OPCML: variants seen among roughly 807,000 people sequenced by gnomAD.
OPCML encodes the protein opioid binding protein/cell adhesion molecule like.
In OPCML, 13 loss-of-function variants were observed where a neutral mutation model predicts 37.8. The ratio of observed to expected loss-of-function variants is 0.34; its 90% CI spans 0.22 to 0.55. OPCML has a LOEUF of 0.55. Ranked by LOEUF, OPCML falls within the 20% of genes least tolerant of loss-of-function variation. OPCML has a pLI of 0.91. For missense variants in OPCML, 341 were observed against 435.6 expected (o/e 0.78, Z 1.93); for synonymous variants, 176 against 168.8 (o/e 1.04, Z -0.33).
chr11:132,929,864 T>TA (rs1265874307), intron 2 of OPCML, among the ~76,000 whole-genome samples: 2 of 152,132 alleles, frequency 1.3e-5, no homozygotes, highest in East Asian at 1.9e-4. Flanking sequence ...CCTTTAATAA[T>TA]AAAAAATACT....
Position 132,888,542 on chromosome 11 carries a change from G to C in OPCML, c.146+54384C>G, listed in dbSNP as rs186599336. Among the ~76,000 whole-genome samples the C allele has an allele frequency of 3.9e-5, 6 of 152,284 alleles. No individual in the cohort carries two copies. The East Asian group carries it at 1.2e-3, about 29-fold the overall frequency. Reference sequence around the variant, plus strand: ...CCTTGCAAAGCAGGAAAAGGGAAAGGAAATGTCATTTCTCTGGAGATGTAA... The same window carrying C: ...CCTTGCAAAGCAGGAAAAGGGAAAGCAAATGTCATTTCTCTGGAGATGTAA... On this transcript the variant is annotated intron_variant, in intron 2 of 7. Coordinates refer to ENST00000524381, the MANE Select transcript of OPCML (RefSeq NM_001012393.5).
intron 1 of OPCML, among the ~76,000 whole-genome samples, chr11:133,529,902 C>A (rs1948568673): frequency 6.6e-6 from 1 of 152,198 alleles, no homozygotes; most frequent in Non-Finnish European, 1.5e-5. Flanking sequence ...CCACAGGAAC[C>A]CCTCAAGATG....
rs530420632 is a variant in OPCML, at chr11:132,939,531, C to A, written c.146+3395G>T. 2.4e-4 allele frequency among the ~76,000 whole-genome samples: 36 copies of A among 152,286 alleles called. No homozygotes were observed. The East Asian group carries it at 7.0e-3, about 29-fold the overall frequency. ...AGAAAATCCAGTATGTTGGTGGGAACTTTTCCCGTTGAGTGGAACAGTTAC... is the reference window on the plus strand; with the variant it reads ...AGAAAATCCAGTATGTTGGTGGGAAATTTTCCCGTTGAGTGGAACAGTTAC... On this transcript the variant is annotated intron_variant, in intron 2 of 7. Coordinates refer to ENST00000524381, the MANE Select transcript of OPCML (RefSeq NM_001012393.5).
In OPCML at chr11:133,314,126, T is replaced by A. The variant is rs1444810585; in HGVS notation, c.61+218138A>T. ...GGCGGGCGCCTGTAGTCCCAGCTACTTGGGAGGCTGAGGCAGGAGAATGGC... is the reference window on the plus strand; with the variant it reads ...GGCGGGCGCCTGTAGTCCCAGCTACATGGGAGGCTGAGGCAGGAGAATGGC... On this transcript the variant is annotated intron_variant, in intron 1 of 7. Transcript: ENST00000524381. 1.2e-4 allele frequency among the ~76,000 whole-genome samples: 18 copies of A among 147,944 alleles called. 1 individual carries two copies. The highest frequency in any genetic ancestry group is 2.0e-4 in the African/African-American group (8 of 39,812).
intron 1 of OPCML, among the ~76,000 whole-genome samples, chr11:133,038,459 T>C (rs1016160469): frequency 6.6e-6 from 1 of 152,216 alleles, no homozygotes; most frequent in African/African-American, 2.4e-5. Context: ...CAGGAGACCA[T>C]GGTAATTAAT....
chr11:132,586,502 G>T (rs2096472966), intron 3 of OPCML, among the ~76,000 whole-genome samples: 1 of 152,178 alleles, frequency 6.6e-6, no homozygotes, highest in South Asian at 2.1e-4. Context: ...GTGATATAGT[G>T]AATGCATCCT....
At chr11:132,512,714 A>G (rs1318513481) in intron 4 of OPCML, among the ~76,000 whole-genome samples, 1 of 151,832 alleles carries the variant, frequency 6.6e-6, no homozygotes, top group Non-Finnish European at 1.5e-5. Context: ...TTATATATAC[A>G]TATAGAATGC....
At chr11:133,284,366 T>C (rs2136517100) in intron 1 of OPCML, among the ~76,000 whole-genome samples, 1 of 152,214 alleles carries the variant, frequency 6.6e-6, no homozygotes, top group East Asian at 1.9e-4. Flanking sequence ...CAGCGGACAC[T>C]GAAAATGTCA....
chr11:133,253,928 TCTTC>T (rs1330742261), intron 1 of OPCML, among the ~76,000 whole-genome samples: 2 of 148,438 alleles, frequency 1.3e-5, no homozygotes, highest in Non-Finnish European at 3.0e-5. Context: ...TTCCTTCCTT[TCTTC>T]CTTCCTTCTT....
At chr11:133,058,894 G>T (rs1377637810) in intron 1 of OPCML, among the ~76,000 whole-genome samples, 1 of 152,246 alleles carries the variant, frequency 6.6e-6, no homozygotes, top group Non-Finnish European at 1.5e-5. Context: ...GTGTGAAGAT[G>T]CCCACAGGGA....
chr11:133,175,652 A>C (rs1592074673), intron 1 of OPCML, among the ~76,000 whole-genome samples: 1 of 140,168 alleles, frequency 7.1e-6, no homozygotes, highest in African/African-American at 2.7e-5. Context: ...TCTGTAATTC[A>C]CTGACTTTTT....
chr11:133,026,782 G>A lies in OPCML; in HGVS notation c.62-83772C>T, dbSNP rs866930091. Among the ~76,000 whole-genome samples, 109 of 152,056 alleles carry A rather than the reference G, an allele frequency of 7.2e-4. 1 individual carries two copies. The highest frequency in any genetic ancestry group is 2.6e-3 in the African/African-American group (106 of 41,390). ...AGTATGACAACTGTATATGATGCTT[G>A]CATATGTTGGATTTGTGCTTCATAT... On this transcript the variant is annotated intron_variant, in intron 1 of 7. Coordinates refer to ENST00000524381, the MANE Select transcript of OPCML (RefSeq NM_001012393.5).
chr11:133,015,174 A>C (rs953984757), intron 1 of OPCML, among the ~76,000 whole-genome samples: 4 of 152,176 alleles, frequency 2.6e-5, no homozygotes, highest in Non-Finnish European at 5.9e-5. Context: ...GTTGGAAAAT[A>C]GATTGATTGA....
chr11:132,788,168 C>T (rs1394097759), intron 2 of OPCML, among the ~76,000 whole-genome samples: 2 of 152,140 alleles, frequency 1.3e-5, no homozygotes, highest in African/African-American at 2.4e-5. Context: ...CGTGAGCTAC[C>T]GTGCCTGGCC....
Position 132,983,464 on chromosome 11 carries a change from C to T in OPCML, c.62-40454G>A, listed in dbSNP as rs1025632904. ...CAAGAAGAAAGGCGCAGCCCTGACT[C>T]GCTGCTGGGACTGGTGAGTGACCAC... On this transcript the variant is annotated intron_variant, in intron 1 of 7. Transcript: ENST00000524381. Among the ~76,000 whole-genome samples the T allele has an allele frequency of 4.6e-5, 7 of 152,194 alleles. No individual in the cohort carries two copies. The South Asian group carries it at 8.3e-4, about 18-fold the overall frequency.
chr11:132,887,833 T>C, intron 2 of OPCML, among the ~76,000 whole-genome samples: 1 of 152,246 alleles, frequency 6.6e-6, no homozygotes. Flanking sequence ...TACGCTTAGC[T>C]TTCTATCTTA....
intron 2 of OPCML, among the ~76,000 whole-genome samples, chr11:132,687,196 C>T (rs1421263778): frequency 1.3e-5 from 2 of 151,496 alleles, no homozygotes; most frequent in Non-Finnish European, 2.9e-5. Context: ...TTTTTCCACT[C>T]ACCAGGGGAC....
At position 133,056,320 on chromosome 11, in the gene OPCML, T is replaced by C. The variant is rs187084644; in HGVS notation, c.62-113310A>G. Among the ~76,000 whole-genome samples the C allele has an allele frequency of 9.2e-5, 14 of 152,312 alleles. 1 individual carries two copies. In the East Asian group the frequency reaches 2.5e-3, roughly 27 times the overall value. On this transcript the variant is annotated intron_variant, in intron 1 of 7. Transcript: ENST00000524381. ...GAGTGACTGAGAGGCTCAGTGAACA[T>C]GAATACAGAATGATTAGCTTCATAA...
chr11:133,022,774 A>G (rs1434354957), intron 1 of OPCML, among the ~76,000 whole-genome samples: 1 of 152,196 alleles, frequency 6.6e-6, no homozygotes, highest in African/African-American at 2.4e-5. Flanking sequence ...CACACAATCG[A>G]TAAGTGGCAA....
Sources: allele counts gnomAD v4.1 joint callset (sites outside exome capture counted in the v4.1 genomes callset), GRCh38; gene constraint gnomAD v4.1.1; transcripts MANE v1.5; gene names NCBI Gene and HGNC (gene_info 2026-07-23, HGNC 2026-07-21).